IFT81: variants seen among roughly 807,000 people sequenced by gnomAD.
IFT81 encodes intraflagellar transport 81, also known as intraflagellar transport protein 81 homolog.
IFT81 carries 72 observed loss-of-function variants against 102.6 expected under a neutral mutation model. That is an observed-to-expected ratio of 0.70 (90% CI 0.58 to 0.85). The LOEUF is 0.85. Among genes scored for constraint, IFT81 ranks in the 40% least tolerant of loss-of-function variants. The probability of loss-of-function intolerance (pLI) is 0.00; values close to 1 mark genes in which losing one functional copy is unlikely to be tolerated. For synonymous variants in IFT81, 237 were observed against 242.7 expected, an observed-to-expected ratio of 0.98 and a Z score of 0.22; for missense variants, 723 against 787.3, an observed-to-expected ratio of 0.92 and a Z score of 0.98.
intron 8 of IFT81, among the ~76,000 whole-genome samples, chr12:110,139,828 A>AAAATAAAAT (rs1178341365): frequency 2.3e-5 from 3 of 133,008 alleles, no homozygotes; most frequent in African/African-American, 9.3e-5. Context: ...TAAATAAAAT[A>AAAATAAAAT]AAATAAAATA....
chr12:110,187,453 C>T (rs987732759), intron 12 of IFT81, among the ~76,000 whole-genome samples: 2 of 152,168 alleles, frequency 1.3e-5, no homozygotes, highest in African/African-American at 2.4e-5. Context: ...TTAGTAAAGA[C>T]AGAATTTCAC....
At chr12:110,186,844 A>G (rs1343776466) in intron 12 of IFT81, among the ~76,000 whole-genome samples, 1 of 152,140 alleles carries the variant, frequency 6.6e-6, no homozygotes, top group Non-Finnish European at 1.5e-5. Flanking sequence ...TTCTTCAATT[A>G]TTACTACAAT....
At chr12:110,211,064 A>G (rs192503611) in intron 18 of IFT81, among the ~76,000 whole-genome samples, 97 of 146,470 alleles carry the variant, frequency 6.6e-4, no homozygotes, top group African/African-American at 2.3e-3. Flanking sequence ...GGGTTTCGCC[A>G]TATTGCCCAG....
At chr12:110,168,704 G>C (rs1896573874) in intron 11 of IFT81, 1 of 152,182 alleles carries the variant, frequency 6.6e-6, no homozygotes, top group Non-Finnish European at 1.5e-5. Context: ...CAAAAGACTA[G>C]AGAAAGACAC....
At chr12:110,128,786 C>CA (rs59756924) in intron 3 of IFT81, among the ~76,000 whole-genome samples, 164 bp from the exon 4 acceptor site, 5,656 of 67,966 alleles carry the variant, frequency 0.083, 261 homozygotes, top group Non-Finnish European at 0.12. Context: ...GACCCTGTCT[C>CA]AAAAAAAAAA....
intron 14 of IFT81, among the ~76,000 whole-genome samples, chr12:110,197,555 CATATAT>C (rs141544205): frequency 2.3e-4 from 25 of 108,800 alleles, no homozygotes; most frequent in East Asian, 1.1e-3. Flanking sequence ...AGGTTTTTAT[CATATAT>C]ATATATATAT....
At chr12:110,203,785 C>A in intron 14 of IFT81, 79 bp from the exon 15 acceptor site, 1 of 877,902 alleles carries the variant, frequency 1.1e-6, no homozygotes, top group Non-Finnish European at 1.9e-6. Context: ...ACAAGACTGA[C>A]AAGGGCATGC....
chr12:110,161,450 C>CA (rs1190846473), intron 10 of IFT81, among the ~76,000 whole-genome samples: 2 of 141,358 alleles, frequency 1.4e-5, no homozygotes, highest in East Asian at 4.2e-4. Flanking sequence ...GCCTGACCCA[C>CA]TTTTTTTTTT....
In IFT81 at chr12:110,165,687, C is replaced by G. The variant is rs952298069; in HGVS notation, c.1188+2622C>G. On this transcript the variant is annotated intron_variant, in intron 11 of 18. Coordinates refer to ENST00000242591, the MANE Select transcript of IFT81 (RefSeq NM_014055.4). ...TTCCCTGTCACAGTTGAGTGATGCT[C>G]GAGGAGATTGCAGTTTCACACAGCT... Among the ~76,000 whole-genome samples, 15 of 152,228 alleles carry G rather than the reference C, an allele frequency of 9.9e-5. No individual in the cohort carries two copies. The East Asian group carries it at 2.7e-3, about 27-fold the overall frequency.
At chr12:110,176,280 G>A (rs1019503352) in intron 11 of IFT81, among the ~76,000 whole-genome samples, 2 of 151,930 alleles carry the variant, frequency 1.3e-5, no homozygotes, top group Non-Finnish European at 1.5e-5. Context: ...TTTGACCTCC[G>A]GACCCTGTAC....
At chr12:110,161,665 G>A (rs926738100) in intron 10 of IFT81, among the ~76,000 whole-genome samples, 3 of 151,508 alleles carry the variant, frequency 2.0e-5, no homozygotes, top group Non-Finnish European at 2.9e-5. Flanking sequence ...TGTTGCCTAG[G>A]CTGGTCTTGA....
intron 5 of IFT81, 48 bp from the exon 6 acceptor site, chr12:110,134,900 C>T: frequency 7.3e-7 from 1 of 1,374,586 alleles, no homozygotes; most frequent in Non-Finnish European, 1.0e-6. Context: ...CTGTTTCCTA[C>T]AGACTGAGAA....
intron 13 of IFT81, among the ~76,000 whole-genome samples, chr12:110,192,339 G>A (rs1897835522): frequency 1.3e-5 from 2 of 151,848 alleles, no homozygotes; most frequent in African/African-American, 4.8e-5. Flanking sequence ...AGTTGTATAG[G>A]GCAATTTTTT....
intron 17 of IFT81, 22 bp downstream of exon 17, chr12:110,205,702 TATTGA>T (rs757083552): frequency 1.5e-5 from 21 of 1,431,154 alleles, no homozygotes; most frequent in Non-Finnish European, 2.0e-5. Context: ...TGTTGTTTTA[TATTGA>T]GATACTTAAT....
At chr12:110,125,077 T>C (rs1893749714) in intron 1 of IFT81, among the ~76,000 whole-genome samples, 1 of 152,200 alleles carries the variant, frequency 6.6e-6, no homozygotes, top group Admixed American at 6.5e-5. Flanking sequence ...TACTAGTTTA[T>C]CCAGATTTTT....
intron 11 of IFT81, among the ~76,000 whole-genome samples, chr12:110,174,303 A>T (rs1566143589): frequency 1.4e-5 from 2 of 146,232 alleles, no homozygotes; most frequent in African/African-American, 5.3e-5. Context: ...AAAAAAAAAA[A>T]AAAATTAGCC....
chr12:110,141,087 T>A (rs1157673618), intron 8 of IFT81, among the ~76,000 whole-genome samples: 1 of 152,056 alleles, frequency 6.6e-6, no homozygotes, highest in Non-Finnish European at 1.5e-5. Flanking sequence ...TGCAATGGCA[T>A]GATCTTGGCT....
At chr12:110,172,552 G>A (rs951404363) in intron 11 of IFT81, among the ~76,000 whole-genome samples, 1 of 152,184 alleles carries the variant, frequency 6.6e-6, no homozygotes, top group African/African-American at 2.4e-5. Context: ...ACGCCTGACT[G>A]GTTTTCGTAT....
Position 110,188,106 on chromosome 12 carries a change from G to A in IFT81, c.1339-2814G>A, listed in dbSNP as rs542176236. ...CCAACACTTTGGGAGGCTGAGGCGG[G>A]TGGATCACGAGGTCAGGAGATCAAG... On this transcript the variant is annotated intron_variant, in intron 12 of 18. Coordinates refer to ENST00000242591, the MANE Select transcript of IFT81 (RefSeq NM_014055.4). 5.5e-4 allele frequency among the ~76,000 whole-genome samples: 84 copies of A among 152,276 alleles called. 1 individual carries two copies. The highest frequency in any genetic ancestry group is 8.5e-4 in the Admixed American group (13 of 15,302).
Sources: gnomAD v4.1 joint callset for allele counts (sites outside exome capture counted in the v4.1 genomes callset) on GRCh38, gnomAD v4.1.1 for gene constraint, MANE v1.5 for transcripts, NCBI Gene and HGNC (gene_info 2026-07-23, HGNC 2026-07-21) for gene names.